ATF7: variants seen among roughly 807,000 people sequenced by gnomAD.
The protein encoded by ATF7 is cyclic AMP-dependent transcription factor ATF-7.
ATF7 carries 10 observed loss-of-function variants against 50.4 expected under a neutral mutation model. The observed-to-expected ratio is 0.20, with a 90% CI of 0.12 to 0.34. The LOEUF (loss-of-function observed/expected upper bound fraction) is 0.34. Ranked by LOEUF, ATF7 falls within the 10% of genes least tolerant of loss-of-function variation. ATF7 has a pLI of 1.00. For synonymous variants in ATF7, 201 were observed against 226.4 expected (o/e 0.89, Z 1.01); for missense variants, 465 against 613.9 (o/e 0.76, Z 2.56).
At chr12:53,532,976 T>C (rs550039333) in intron 7 of ATF7, among the ~76,000 whole-genome samples, 184 bp downstream of exon 7, 3 of 152,350 alleles carry the variant, frequency 2.0e-5, no homozygotes, top group African/African-American at 7.2e-5. Flanking sequence ...GATGAGTCTT[T>C]ATCTAGTGTT....
rs139385973 is a variant in ATF7 at position 53,625,458 on chromosome 12, T to C, written c.-22+821A>G. ...GCTAAAGACATGTGTATATCAGCCA[T>C]CTCCTTCCCAAACACCTCTTATCGC... On this transcript the variant is annotated intron_variant, in intron 1 of 11. Coordinates refer to ENST00000420353, the MANE Select transcript of ATF7 (RefSeq NM_006856.3). 6.3e-4 allele frequency among the ~76,000 whole-genome samples: 96 copies of C among 152,224 alleles called. 2 individuals carry two copies. The East Asian group carries it at 0.018, about 29-fold the overall frequency.
intron 8 of ATF7, among the ~76,000 whole-genome samples, chr12:53,532,130 T>G (rs1422394175): frequency 1.3e-5 from 2 of 152,122 alleles, no homozygotes; most frequent in East Asian, 3.9e-4. Flanking sequence ...GGCTGGGGGT[T>G]GTTAAAGCAA....
chr12:53,538,531 G>A (rs980169461), intron 4 of ATF7, among the ~76,000 whole-genome samples: 7 of 152,156 alleles, frequency 4.6e-5, no homozygotes, highest in African/African-American at 1.7e-4. Flanking sequence ...CACTTTCCTG[G>A]CAGTGATGCA....
chr12:53,564,796 C>T (rs1387383002), intron 2 of ATF7, among the ~76,000 whole-genome samples: 1 of 152,210 alleles, frequency 6.6e-6, no homozygotes, highest in African/African-American at 2.4e-5. Flanking sequence ...AACCTTTGGC[C>T]TGCAGACCAC....
At chr12:53,585,284 T>C (rs968519272) in intron 2 of ATF7, among the ~76,000 whole-genome samples, 2 of 152,160 alleles carry the variant, frequency 1.3e-5, no homozygotes, top group African/African-American at 2.4e-5. Context: ...CCTCATTATA[T>C]ATTTGTTAAA....
chr12:53,577,403 G>A (rs990108024), intron 2 of ATF7, among the ~76,000 whole-genome samples: 2 of 151,722 alleles, frequency 1.3e-5, no homozygotes, highest in African/African-American at 4.9e-5. Context: ...GGTATAATAT[G>A]TGCATAATAG....
intron 7 of ATF7, 28 bp from the exon 8 acceptor site, chr12:53,532,651 A>AAAAG: frequency 6.9e-7 from 1 of 1,454,686 alleles, no homozygotes; most frequent in South Asian, 1.2e-5. Flanking sequence ...AAAAAAAAAA[A>AAAAG]AGAGAAGGGA....
intron 1 of ATF7, among the ~76,000 whole-genome samples, chr12:53,617,336 T>C (rs1208188333): frequency 6.6e-6 from 1 of 152,130 alleles, no homozygotes. Context: ...TTCTTAAAAC[T>C]ACTATACTAG....
intron 2 of ATF7, among the ~76,000 whole-genome samples, chr12:53,554,870 GAAAAAAA>G (rs61675595): frequency 1.3e-4 from 10 of 76,046 alleles, no homozygotes; most frequent in African/African-American, 4.4e-4. Flanking sequence ...CTCAAAAAAA[GAAAAAAA>G]AAAAAAAAAA....
intron 1 of ATF7, among the ~76,000 whole-genome samples, chr12:53,605,110 C>T (rs1429146543): frequency 2.6e-5 from 4 of 152,094 alleles, no homozygotes; most frequent in Non-Finnish European, 5.9e-5. Context: ...AATAAGGAGC[C>T]AGGCACGGTG....
intron 2 of ATF7, among the ~76,000 whole-genome samples, chr12:53,572,059 T>TC (rs1012573074): frequency 1.3e-5 from 2 of 150,868 alleles, no homozygotes; most frequent in Non-Finnish European, 3.0e-5. Flanking sequence ...AGAGCCAGAC[T>TC]CCATCTCAAA....
chr12:53,517,867 AT>A lies in ATF7; in HGVS notation c.1235-514del, dbSNP rs1446009264. On this transcript the variant is annotated intron_variant, in intron 11 of 11. Transcript: ENST00000420353. Reference sequence around the variant, plus strand: ...ACTGAATTATTCCATTATTTTATTTATTTATTTTTTTTCCTAAGACTGAGTC... The same window carrying A: ...ACTGAATTATTCCATTATTTTATTTATTATTTTTTTTCCTAAGACTGAGTC... Among the ~76,000 whole-genome samples, 3 of 151,998 alleles carry A rather than the reference AT, an allele frequency of 2.0e-5. No individual in the cohort carries two copies. In the East Asian group the frequency reaches 5.8e-4, roughly 29 times the overall value.
chr12:53,597,262 T>C (rs533416580), intron 2 of ATF7, among the ~76,000 whole-genome samples: 1 of 152,160 alleles, frequency 6.6e-6, no homozygotes, highest in East Asian at 1.9e-4. Context: ...AAGTGGATCA[T>C]GAACAGAATC....
chr12:53,537,111 C>A (rs1324871765), intron 5 of ATF7, among the ~76,000 whole-genome samples: 1 of 151,814 alleles, frequency 6.6e-6, no homozygotes, highest in Non-Finnish European at 1.5e-5. Context: ...ACTCTGTTGC[C>A]CAGGCTGGGG....
chr12:53,574,223 G>T (rs537853292), intron 2 of ATF7, among the ~76,000 whole-genome samples: 1 of 152,156 alleles, frequency 6.6e-6, no homozygotes, highest in South Asian at 2.1e-4. Context: ...GAAGAGAGAT[G>T]AAAATTCTAA....
chr12:53,526,816 A>C (rs565496717), intron 9 of ATF7, among the ~76,000 whole-genome samples: 6 of 151,988 alleles, frequency 3.9e-5, no homozygotes, highest in Non-Finnish European at 8.8e-5. Flanking sequence ...GCACCACTCT[A>C]CTCCAGCCTG....
chr12:53,586,419 A>G lies in ATF7; in HGVS notation c.48+14534T>C, dbSNP rs570694458. On this transcript the variant is annotated intron_variant, in intron 2 of 11. Coordinates refer to ENST00000420353, the MANE Select transcript of ATF7 (RefSeq NM_006856.3). Reference sequence around the variant, plus strand: ...ATAGATTGCCACCATGTAAAAAAAAAAAAAGATGTTCACTGAAGTGACAGA... The same window carrying G: ...ATAGATTGCCACCATGTAAAAAAAAGAAAAGATGTTCACTGAAGTGACAGA... Among the ~76,000 whole-genome samples, 40 of 152,328 alleles carry G rather than the reference A, an allele frequency of 2.6e-4. No individual in the cohort carries two copies. In the East Asian group the frequency reaches 5.8e-3, roughly 22 times the overall value.
intron 3 of ATF7, among the ~76,000 whole-genome samples, chr12:53,551,128 C>T (rs1940327987): frequency 1.3e-5 from 2 of 152,082 alleles, no homozygotes; most frequent in South Asian, 4.1e-4. Flanking sequence ...TATATGTATA[C>T]CCTATCCACT....
chr12:53,596,315 A>G (rs1390966504), intron 2 of ATF7, among the ~76,000 whole-genome samples: 1 of 152,136 alleles, frequency 6.6e-6, no homozygotes, highest in East Asian at 1.9e-4. Context: ...AAACAAAACA[A>G]AAAAAGGATG....
Sources: gnomAD v4.1 joint callset for allele counts (sites outside exome capture counted in the v4.1 genomes callset) on GRCh38, gnomAD v4.1.1 for gene constraint, MANE v1.5 for transcripts, NCBI Gene and HGNC (gene_info 2026-07-23, HGNC 2026-07-21) for gene names.